The following KIAA1217 variants were observed in gnomAD, a reference collection of about 807,000 sequenced individuals.
The protein encoded by KIAA1217 is KIAA1217.
Under a neutral mutation model 163.9 loss-of-function variants are expected in KIAA1217, and 88 were observed. The observed-to-expected ratio is 0.54, with a 90% CI of 0.45 to 0.64. KIAA1217 has a LOEUF of 0.64. Among genes scored for constraint, KIAA1217 ranks in the 30% least tolerant of loss-of-function variants. The pLI is 0.00. For synonymous variants in KIAA1217, 903 were observed against 923.1 expected (o/e 0.98, Z 0.39); for missense variants, 2,372 against 2,475.0 (o/e 0.96, Z 0.88).
chr10:23,813,212 T>C (rs1334014319), intron 1 of KIAA1217, among the ~76,000 whole-genome samples: 3 of 152,204 alleles, frequency 2.0e-5, no homozygotes, highest in Non-Finnish European at 2.9e-5. Context: ...CTTGAGCCTA[T>C]TGGCCATTTG....
intron 1 of KIAA1217, among the ~76,000 whole-genome samples, chr10:23,974,580 A>C (rs527493499): frequency 3.3e-5 from 5 of 152,254 alleles, no homozygotes; most frequent in African/African-American, 1.2e-4. Context: ...GAGGATCACA[A>C]TATAGTGATT....
intron 1 of KIAA1217, among the ~76,000 whole-genome samples, chr10:23,716,878 T>G (rs905189221): frequency 6.6e-6 from 1 of 152,182 alleles, no homozygotes; most frequent in Admixed American, 6.6e-5. Context: ...TTCTTTGTCA[T>G]CATCTATTGT....
At chr10:23,835,390 G>A (rs1838396385) in intron 1 of KIAA1217, among the ~76,000 whole-genome samples, 1 of 151,958 alleles carries the variant, frequency 6.6e-6, no homozygotes, top group African/African-American at 2.4e-5. Flanking sequence ...ATCTGAGAAG[G>A]GGGAACCCTC....
At chr10:24,319,561 C>G (rs889740389) in intron 2 of KIAA1217, among the ~76,000 whole-genome samples, 1 of 152,032 alleles carries the variant, frequency 6.6e-6, no homozygotes, top group Non-Finnish European at 1.5e-5. Context: ...ATACAGCTTG[C>G]ATGGTTGGGG....
At chr10:24,335,640 C>T (rs1045298371) in intron 2 of KIAA1217, among the ~76,000 whole-genome samples, 1 of 125,044 alleles carries the variant, frequency 8.0e-6, no homozygotes, top group Non-Finnish European at 1.7e-5. Context: ...GATGGAGTCT[C>T]GTTCTGTCGC....
chr10:23,905,041 G>A (rs1318022477), intron 1 of KIAA1217, among the ~76,000 whole-genome samples: 2 of 141,940 alleles, frequency 1.4e-5, no homozygotes, highest in African/African-American at 5.2e-5. Context: ...CCATTGAATT[G>A]GGATTCTTCT....
At chr10:24,310,778 C>A (rs2042597270) in intron 2 of KIAA1217, among the ~76,000 whole-genome samples, 1 of 152,160 alleles carries the variant, frequency 6.6e-6, no homozygotes, top group Admixed American at 6.5e-5. Flanking sequence ...ACGTGGATCA[C>A]TTGAGCCCAG....
intron 2 of KIAA1217, among the ~76,000 whole-genome samples, chr10:24,063,626 C>G (rs1237332255): frequency 6.6e-6 from 1 of 152,118 alleles, no homozygotes; most frequent in Non-Finnish European, 1.5e-5. Flanking sequence ...AATGTGGGCT[C>G]TTTTTTGGTT....
rs529346143 is a variant in KIAA1217, at chr10:23,700,503, TA to T, written c.-321+5281del. On this transcript the variant is annotated intron_variant, in intron 1 of 18. Coordinates refer to the KIAA1217 transcript ENST00000376462. ...TAATATTTTCCCATTTCTCTCATAG[TA>T]AAAAAAAAAAAGCCCTTACAATTAC... Among the ~76,000 whole-genome samples the T allele has an allele frequency of 7.7e-3, 1,087 of 142,030 alleles. 2 individuals carry two copies. The highest frequency in any genetic ancestry group is 0.016 in the African/African-American group (630 of 39,058). The allele number at this position is 142,030 out of a possible 152,430, so 93.2% of individuals were successfully genotyped here.
chr10:23,936,905 G>A (rs141574028), intron 1 of KIAA1217, among the ~76,000 whole-genome samples: 149 of 151,944 alleles, frequency 9.8e-4, no homozygotes, highest in African/African-American at 3.4e-3. Flanking sequence ...TTTTGACAGT[G>A]TTTCTCTTTG....
At chr10:24,323,071 T>A (rs759909869) in intron 2 of KIAA1217, among the ~76,000 whole-genome samples, 4 of 151,998 alleles carry the variant, frequency 2.6e-5, no homozygotes, top group Non-Finnish European at 5.9e-5. Flanking sequence ...CACTTCAGCC[T>A]CCTGAGTAGC....
chr10:24,463,127 C>A (rs898681151), intron 5 of KIAA1217, among the ~76,000 whole-genome samples: 1 of 152,134 alleles, frequency 6.6e-6, no homozygotes, highest in Non-Finnish European at 1.5e-5. Context: ...ATGGGAGTAG[C>A]CCAGCAGAAG....
Position 23,758,619 on chromosome 10 carries a change from TCTTA to T in KIAA1217, c.-321+63389_-321+63392del, listed in dbSNP as rs1270082153. Among the ~76,000 whole-genome samples, 4 of 139,760 alleles carry T rather than the reference TCTTA, an allele frequency of 2.9e-5. No homozygotes were observed. The East Asian group carries it at 6.0e-4, about 21-fold the overall frequency. The allele number at this position is 139,760 out of a possible 152,430, so 91.7% of individuals were successfully genotyped here. On this transcript the variant is annotated intron_variant, in intron 1 of 18. Coordinates refer to the KIAA1217 transcript ENST00000376462. ...CTCTTTTCTTTTCTCTTTCTTTCTT[TCTTA>T]CTTTCTCTCTCTCTCTCTCTCTCCC...
At chr10:23,840,899 A>G (rs1479286333) in intron 1 of KIAA1217, among the ~76,000 whole-genome samples, 1 of 152,196 alleles carries the variant, frequency 6.6e-6, no homozygotes, top group Non-Finnish European at 1.5e-5. Flanking sequence ...GAGGAGCCAT[A>G]GAATAGTGGT....
intron 2 of KIAA1217, among the ~76,000 whole-genome samples, chr10:24,242,235 C>A (rs1160333533): frequency 6.6e-6 from 1 of 152,058 alleles, no homozygotes; most frequent in East Asian, 1.9e-4. Context: ...AGTTTTTTAA[C>A]CCACATCCCA....
chr10:24,160,050 A>G (rs1170250345), intron 2 of KIAA1217, among the ~76,000 whole-genome samples: 1 of 152,168 alleles, frequency 6.6e-6, no homozygotes, highest in African/African-American at 2.4e-5. Context: ...TGGATTCTCT[A>G]GTCTGTCCCA....
chr10:24,415,553 C>T (rs999093375), intron 3 of KIAA1217, among the ~76,000 whole-genome samples: 3 of 152,004 alleles, frequency 2.0e-5, no homozygotes, highest in African/African-American at 7.2e-5. Context: ...GCCTTACAAA[C>T]ACATTGTAAA....
intron 1 of KIAA1217, among the ~76,000 whole-genome samples, chr10:23,812,585 G>A (rs1032444425): frequency 1.3e-5 from 2 of 151,962 alleles, no homozygotes; most frequent in Non-Finnish European, 2.9e-5. Context: ...AGTAGTTTTT[G>A]GTGTATTCCC....
intron 1 of KIAA1217, among the ~76,000 whole-genome samples, chr10:23,851,357 G>T (rs914808957): frequency 6.6e-6 from 1 of 152,068 alleles, no homozygotes; most frequent in Non-Finnish European, 1.5e-5. Flanking sequence ...CATTTTTATG[G>T]CTGCATAGTA....
Sources: allele counts gnomAD v4.1 joint callset (sites outside exome capture counted in the v4.1 genomes callset), GRCh38; gene constraint gnomAD v4.1.1; transcripts MANE v1.5; gene names NCBI Gene and HGNC (gene_info 2026-07-23, HGNC 2026-07-21).